The following ALK variants were observed in gnomAD, a reference collection of about 807,000 sequenced individuals.
ALK encodes the protein ALK tyrosine kinase receptor.
In ALK, 74 loss-of-function variants were observed where a neutral mutation model predicts 163.1. That is an observed-to-expected ratio of 0.45 (90% CI 0.38 to 0.55). The LOEUF is 0.55. Ranked by LOEUF, ALK falls within the 20% of genes least tolerant of loss-of-function variation. The pLI is 0.00. For synonymous variants in ALK, 960 were observed against 843.2 expected (o/e 1.14, Z -2.40); for missense variants, 2,063 against 2,105.3 (o/e 0.98, Z 0.39).
In ALK at chr2:29,320,649, G is replaced by A. The variant is rs1012127279; in HGVS notation, c.1546+102C>T. 6.4e-5 allele frequency: 98 copies of A among 1,534,976 alleles called. No individual in the cohort carries two copies. The Middle Eastern group carries it at 6.9e-4, about 11-fold the overall frequency. ...CTAGGCAAGCTTTGGTCAGACACCC[G>A]AGCTTGCCCTGCAGGTGGGGTGAAG... On this transcript the variant is annotated intron_variant, in intron 7 of 28. Transcript: ENST00000389048.
chr2:29,321,848 C>T (rs925213140), intron 6 of ALK, among the ~76,000 whole-genome samples: 4 of 152,224 alleles, frequency 2.6e-5, no homozygotes, highest in African/African-American at 9.6e-5. Flanking sequence ...GGGCTCAGCA[C>T]AAAGGGCACG....
intron 3 of ALK, among the ~76,000 whole-genome samples, chr2:29,681,737 A>AC (rs1334180529): frequency 2.8e-5 from 4 of 142,444 alleles, no homozygotes; most frequent in Non-Finnish European, 6.2e-5. Context: ...TTCACCTACA[A>AC]CCCCCCTGGG....
At chr2:29,842,607 T>A (rs977396809) in intron 1 of ALK, among the ~76,000 whole-genome samples, 6 of 152,180 alleles carry the variant, frequency 3.9e-5, no homozygotes, top group African/African-American at 1.2e-4. Flanking sequence ...CAGTTCTCAA[T>A]TTAGTGACAG....
intron 1 of ALK, among the ~76,000 whole-genome samples, chr2:29,760,697 G>A (rs1324228270): frequency 1.3e-5 from 2 of 152,178 alleles, no homozygotes; most frequent in Non-Finnish European, 2.9e-5. Context: ...TTTGCAAAGG[G>A]CTTACAGACA....
intron 25 of ALK, among the ~76,000 whole-genome samples, 200 bp from the exon 26 acceptor site, chr2:29,207,472 G>GACAAA (rs1217277827): frequency 6.6e-6 from 1 of 152,176 alleles, no homozygotes; most frequent in Non-Finnish European, 1.5e-5. Flanking sequence ...TTTAATAGAA[G>GACAAA]ACAAAACAAA....
chr2:29,497,990 CA>C lies in ALK; in HGVS notation c.1154+33924del, dbSNP rs562668245. 3.5e-3 allele frequency among the ~76,000 whole-genome samples: 537 copies of C among 152,216 alleles called. 2 individuals carry two copies. The highest frequency in any genetic ancestry group is 4.1e-3 in the Non-Finnish European group (282 of 68,024). ...TATAATAAGTAATAATAGTAGAAGT[CA>C]AAATACAATTTCTAATGCCATTACT... On this transcript the variant is annotated intron_variant, in intron 4 of 28. Transcript: ENST00000389048.
intron 9 of ALK, among the ~76,000 whole-genome samples, chr2:29,289,204 GC>G (rs1477729267): frequency 1.3e-5 from 2 of 152,062 alleles, no homozygotes; most frequent in Non-Finnish European, 2.9e-5. Flanking sequence ...GATCATTATG[GC>G]CCCAAGAGGC....
chr2:29,346,917 T>C (rs960589466), intron 5 of ALK, among the ~76,000 whole-genome samples: 1 of 152,186 alleles, frequency 6.6e-6, no homozygotes, highest in African/African-American at 2.4e-5. Flanking sequence ...TGGGTCTTCA[T>C]TCCAATCAGT....
intron 3 of ALK, among the ~76,000 whole-genome samples, chr2:29,565,118 G>A (rs1222289737): frequency 1.3e-5 from 2 of 152,240 alleles, no homozygotes; most frequent in African/African-American, 4.8e-5. Flanking sequence ...AGGTGACAAC[G>A]TGATATGGTG....
intron 1 of ALK, among the ~76,000 whole-genome samples, chr2:29,754,941 C>T (rs1272574201): frequency 2.0e-5 from 3 of 152,168 alleles, no homozygotes; most frequent in East Asian, 1.9e-4. Flanking sequence ...CAGGAGATGC[C>T]GGACGCCAGC....
intron 1 of ALK, among the ~76,000 whole-genome samples, chr2:29,883,792 T>C (rs1356972776): frequency 6.6e-6 from 1 of 152,142 alleles, no homozygotes; most frequent in Non-Finnish European, 1.5e-5. Flanking sequence ...AATAAATATA[T>C]TGGAAAATTT....
chr2:29,911,982 T>G (rs1558545502), intron 1 of ALK, among the ~76,000 whole-genome samples: 1 of 152,056 alleles, frequency 6.6e-6, no homozygotes, highest in Non-Finnish European at 1.5e-5. Context: ...AACTAAAATA[T>G]CTAAAGTAAA....
chr2:29,676,315 G>T (rs927824629), intron 3 of ALK, among the ~76,000 whole-genome samples: 4 of 151,946 alleles, frequency 2.6e-5, no homozygotes, highest in Non-Finnish European at 5.9e-5. Context: ...ATTTTCTTGG[G>T]TAGAAACTGT....
At chr2:29,625,506 A>G (rs1242349092) in intron 3 of ALK, among the ~76,000 whole-genome samples, 1 of 152,232 alleles carries the variant, frequency 6.6e-6, no homozygotes, top group Non-Finnish European at 1.5e-5. Context: ...AAATTTCACA[A>G]ATCAGAAAAC....
At chr2:29,435,835 C>A (rs1225881188) in intron 4 of ALK, among the ~76,000 whole-genome samples, 1 of 152,128 alleles carries the variant, frequency 6.6e-6, no homozygotes, top group Non-Finnish European at 1.5e-5. Context: ...ACGTAATTTT[C>A]CACCTTTGTC....
chr2:29,195,311 C>T (rs1023304049), intron 28 of ALK, among the ~76,000 whole-genome samples: 3 of 152,082 alleles, frequency 2.0e-5, no homozygotes, highest in African/African-American at 7.2e-5. Context: ...CCTTCAATAA[C>T]GTGATATAGG....
intron 1 of ALK, among the ~76,000 whole-genome samples, chr2:29,808,350 A>G (rs544481404): frequency 6.6e-6 from 1 of 152,142 alleles, no homozygotes; most frequent in Non-Finnish European, 1.5e-5. Context: ...TCTGAAAAGC[A>G]TCTGGCACTC....
chr2:29,297,035 C>A lies in ALK; in HGVS notation c.1670G>T (p.Arg557Leu), dbSNP rs200468507. Residue 557 changes from arginine (R) to leucine (L), a missense_variant, in exon 9 of 29, where the codon CGT (arginine) becomes CTT (leucine). Coordinates refer to ENST00000389048, the MANE Select transcript of ALK (RefSeq NM_004304.5). ...PCELRMSWLI[R>L]GVLRGNVSLV... Reference sequence around the variant, plus strand: ...GGACACGTTTCCCCTCAAGACTCCACGAATGAGCCAGGACATTCGGAGCTG... The same window carrying A: ...GGACACGTTTCCCCTCAAGACTCCAAGAATGAGCCAGGACATTCGGAGCTG... The A allele has an allele frequency of 6.2e-7, 1 of 1,614,154 alleles. No individual in the cohort carries two copies. The highest frequency in any genetic ancestry group is 1.1e-5 in the South Asian group (1 of 91,082).
rs530687340 is a variant in ALK, at chr2:29,905,965, G to T, written c.667+14028C>A. Reference sequence around the variant, plus strand: ...TTTGTCTTCTCATCTCAGAGAAGGAGGTTGTTTTCCTTCTCTATTGTACCC... The same window carrying T: ...TTTGTCTTCTCATCTCAGAGAAGGATGTTGTTTTCCTTCTCTATTGTACCC... On this transcript the variant is annotated intron_variant, in intron 1 of 28. Coordinates refer to ENST00000389048, the MANE Select transcript of ALK (RefSeq NM_004304.5). 2.6e-5 allele frequency among the ~76,000 whole-genome samples: 4 copies of T among 152,306 alleles called. No individual in the cohort carries two copies. The East Asian group carries it at 7.7e-4, about 29-fold the overall frequency.
Sources: gnomAD v4.1 joint callset for allele counts (sites outside exome capture counted in the v4.1 genomes callset) on GRCh38, gnomAD v4.1.1 for gene constraint, MANE v1.5 for transcripts, NCBI Gene and HGNC (gene_info 2026-07-23, HGNC 2026-07-21) for gene names.